The following MACROD2 variants were observed in gnomAD, a reference collection of about 807,000 sequenced individuals.
MACROD2 encodes the protein mono-ADP ribosylhydrolase 2, also known as ADP-ribose glycohydrolase MACROD2.
In MACROD2, 36 loss-of-function variants were observed where a neutral mutation model predicts 70.4. That is an observed-to-expected ratio of 0.51 (90% CI 0.39 to 0.68). The LOEUF is 0.68. Among genes scored for constraint, MACROD2 ranks in the 30% least tolerant of loss-of-function variants. The pLI is 0.00. For missense variants in MACROD2, 496 were observed against 538.4 expected, an observed-to-expected ratio of 0.92 and a Z score of 0.78; for synonymous variants, 172 against 178.8, an observed-to-expected ratio of 0.96 and a Z score of 0.30.
intron 8 of MACROD2, among the ~76,000 whole-genome samples, chr20:15,699,216 G>A (rs1052133133): frequency 6.6e-6 from 1 of 152,142 alleles, no homozygotes; most frequent in African/African-American, 2.4e-5. Context: ...CTCTGTCAGA[G>A]GGAAGGTCTA....
intron 4 of MACROD2, among the ~76,000 whole-genome samples, chr20:14,626,382 T>G (rs925866756): frequency 2.0e-5 from 3 of 152,092 alleles, no homozygotes; most frequent in Non-Finnish European, 4.4e-5. Flanking sequence ...ATATAGTATA[T>G]AGCCTAAAAT....
At chr20:14,702,830 C>T (rs1402295479) in intron 5 of MACROD2, among the ~76,000 whole-genome samples, 3 of 150,810 alleles carry the variant, frequency 2.0e-5, no homozygotes. Context: ...TGGGTTCAAG[C>T]AATTCTCCTG....
intron 5 of MACROD2, among the ~76,000 whole-genome samples, chr20:14,900,200 G>A (rs781270523): frequency 6.6e-6 from 1 of 151,966 alleles, no homozygotes; most frequent in South Asian, 2.1e-4. Flanking sequence ...AAAGCTGCTG[G>A]GTTTGGTTTA....
intron 10 of MACROD2, among the ~76,000 whole-genome samples, chr20:15,905,891 C>T (rs1177230209): frequency 6.6e-6 from 1 of 152,134 alleles, no homozygotes; most frequent in Non-Finnish European, 1.5e-5. Flanking sequence ...CAGAGACAGT[C>T]TTAGGAAATG....
intron 8 of MACROD2, among the ~76,000 whole-genome samples, chr20:15,506,656 A>G (rs1039006727): frequency 1.3e-5 from 2 of 152,208 alleles, no homozygotes; most frequent in East Asian, 3.9e-4. Flanking sequence ...GTGATTCTTA[A>G]AAAGGGGGTT....
chr20:15,083,105 T>A lies in MACROD2; in HGVS notation c.419-146835T>A, dbSNP rs989951150. Among the ~76,000 whole-genome samples, 5 of 152,350 alleles carry A rather than the reference T, an allele frequency of 3.3e-5. No homozygotes were observed. The East Asian group carries it at 9.6e-4, about 29-fold the overall frequency. On this transcript the variant is annotated intron_variant, in intron 5 of 17. Transcript: ENST00000684519. ...TTAATTTAAAACTGTCATTTAACAA[T>A]GGCCTCTAGTTCTACCAATGGACTT...
At chr20:14,999,628 C>A (rs1335278949) in intron 5 of MACROD2, among the ~76,000 whole-genome samples, 4 of 152,074 alleles carry the variant, frequency 2.6e-5, no homozygotes, top group African/African-American at 7.2e-5. Context: ...GACCAAGACT[C>A]TATCTCAAAA....
At chr20:14,380,670 C>T (rs1226242195) in intron 3 of MACROD2, among the ~76,000 whole-genome samples, 1 of 152,080 alleles carries the variant, frequency 6.6e-6, no homozygotes, top group East Asian at 1.9e-4. Flanking sequence ...TATTCTTTCT[C>T]TATTGACTGG....
At chr20:15,234,009 A>ATATTTTTTTTTT (rs1555795277) in intron 6 of MACROD2, among the ~76,000 whole-genome samples, 4 of 39,998 alleles carry the variant, frequency 1.0e-4, no homozygotes, top group East Asian at 9.8e-4. Flanking sequence ...ATATATATAT[A>ATATTTTTTTTTT]TTCTTTTTTT....
chr20:14,990,570 A>G (rs1023259230), intron 5 of MACROD2, among the ~76,000 whole-genome samples: 7 of 147,822 alleles, frequency 4.7e-5, no homozygotes, highest in Non-Finnish European at 7.4e-5. Context: ...CTGGAGTGCA[A>G]TGGCGCGATC....
In MACROD2 at chr20:14,933,637, TAA is replaced by T. The variant is rs11481730; in HGVS notation, c.418+248688_418+248689del. ...AGAGTGAGACCCTGACTCAAAAAAA[TAA>T]AAAAAAAAAGTAAAGTTTCTATTGG... On this transcript the variant is annotated intron_variant, in intron 5 of 17. Transcript: ENST00000684519. 5.3e-3 allele frequency among the ~76,000 whole-genome samples: 778 copies of T among 147,714 alleles called. 11 individuals are homozygous for T. The highest frequency in any genetic ancestry group is 0.018 in the African/African-American group (738 of 40,362).
chr20:14,230,654 T>TATATATATATATATATAAAAAAA lies in MACROD2; in HGVS notation c.271+144927_271+144928insTATATATATATATATAAAAAAAA. ...GTTTATATATATATATATATATATA[T>TATATATATATATATATAAAAAAA]AACACAGGCTGGGCCTATATATATA... On this transcript the variant is annotated intron_variant, in intron 3 of 17. Transcript: ENST00000684519. Among the ~76,000 whole-genome samples the TATATATATATATATATAAAAAAA allele has an allele frequency of 1.3e-3, 94 of 74,220 alleles. 1 individual carries two copies. Among genetic ancestry groups the TATATATATATATATATAAAAAAA allele is most frequent in the South Asian group, 0.012 (22 of 1,870 alleles). The allele number at this position is 74,220 out of a possible 152,430, so 48.7% of individuals were successfully genotyped here. A position where few individuals can be genotyped will look rare whatever the true frequency, so the allele number is the denominator to read the frequency against.
chr20:14,474,011 A>T (rs905281515), intron 3 of MACROD2, among the ~76,000 whole-genome samples: 2 of 151,442 alleles, frequency 1.3e-5, no homozygotes, highest in East Asian at 1.9e-4. Flanking sequence ...TATTATTATT[A>T]TTTTTTACTT....
rs896555243 is a variant in MACROD2, at chr20:14,454,419, T to G, written c.272-39060T>G. Among the ~76,000 whole-genome samples, 48 of 79,162 alleles carry G rather than the reference T, an allele frequency of 6.1e-4. 1 individual carries two copies. The highest frequency in any genetic ancestry group is 1.8e-3 in the African/African-American group (43 of 23,430). 51.9% of individuals were successfully genotyped at this position (79,162 alleles called of 152,430 possible). A position where few individuals can be genotyped will look rare whatever the true frequency, so the allele number is the denominator to read the frequency against. On this transcript the variant is annotated intron_variant, in intron 3 of 17. Coordinates refer to ENST00000684519, the MANE Select transcript of MACROD2 (RefSeq NM_001351661.2). Reference sequence around the variant, plus strand: ...TGTATGATCCTTTATTCCACATGAGTTTTTTTTTTTGTTTGTTTTCCCAGT... The same window carrying G: ...TGTATGATCCTTTATTCCACATGAGGTTTTTTTTTTGTTTGTTTTCCCAGT...
intron 8 of MACROD2, among the ~76,000 whole-genome samples, chr20:15,638,828 T>C (rs1337922178): frequency 6.6e-6 from 1 of 152,136 alleles, no homozygotes; most frequent in African/African-American, 2.4e-5. Context: ...AAAAAGCATA[T>C]GAATTACAGG....
intron 8 of MACROD2, among the ~76,000 whole-genome samples, chr20:15,856,185 T>C (rs1015116022): frequency 6.6e-6 from 1 of 152,218 alleles, no homozygotes; most frequent in African/African-American, 2.4e-5. Context: ...CTTTGTCTTA[T>C]ATCAAGTATA....
chr20:15,061,948 C>T lies in MACROD2; in HGVS notation c.419-167992C>T, dbSNP rs146037519. 2.5e-3 allele frequency among the ~76,000 whole-genome samples: 385 copies of T among 152,166 alleles called. 1 individual carries two copies. The highest frequency in any genetic ancestry group is 4.0e-3 in the Non-Finnish European group (272 of 68,008). On this transcript the variant is annotated intron_variant, in intron 5 of 17. Transcript: ENST00000684519. ...ATGCACCTCTACAGGTGGGGAGACACGATGTTCTGGTGCCTGCCACCTCTC... is the reference window on the plus strand; with the variant it reads ...ATGCACCTCTACAGGTGGGGAGACATGATGTTCTGGTGCCTGCCACCTCTC...
At chr20:14,013,662 C>T (rs1454875404) in intron 2 of MACROD2, among the ~76,000 whole-genome samples, 12 of 147,156 alleles carry the variant, frequency 8.2e-5, no homozygotes, top group African/African-American at 3.0e-4. Context: ...TGTAAATTGT[C>T]CTTATATTAA....
At chr20:15,584,456 T>C (rs2048568818) in intron 8 of MACROD2, among the ~76,000 whole-genome samples, 2 of 152,094 alleles carry the variant, frequency 1.3e-5, no homozygotes, top group African/African-American at 4.8e-5. Flanking sequence ...AAAAATGAGA[T>C]GTAATCTCAA....
Sources: gnomAD v4.1 joint callset for allele counts (sites outside exome capture counted in the v4.1 genomes callset) on GRCh38, gnomAD v4.1.1 for gene constraint, MANE v1.5 for transcripts, NCBI Gene and HGNC (gene_info 2026-07-23, HGNC 2026-07-21) for gene names.